Variants in PDS5B observed in about 807,000 individuals in gnomAD.
PDS5B encodes sister chromatid cohesion protein PDS5 homolog B.
PDS5B carries 51 observed loss-of-function variants against 184.1 expected under a neutral mutation model. The ratio of observed to expected loss-of-function variants is 0.28; its 90% CI spans 0.22 to 0.35. The LOEUF is 0.35. PDS5B is among the 10% of genes least tolerant of loss of function. The pLI is 1.00. For synonymous variants in PDS5B, 566 were observed against 569.2 expected (o/e 0.99, Z 0.08); for missense variants, 1,180 against 1,723.3 (o/e 0.68, Z 5.58).
chr13:32,622,393 C>T (rs1427332740), intron 1 of PDS5B, among the ~76,000 whole-genome samples: 1 of 151,738 alleles, frequency 6.6e-6, no homozygotes, highest in South Asian at 2.1e-4. Flanking sequence ...ACATTTTAGT[C>T]AGGAATATGT....
chr13:32,758,069 C>A lies in PDS5B; in HGVS notation c.3057-18C>A. ...TGATTTTCTTCTATATTTCTTTTTT[C>A]CTTTTTTTTTTTTTTAGATGTCTTT... On this transcript the variant is annotated intron_variant, in intron 26 of 34. Transcript: ENST00000315596. 9.9e-7 allele frequency: 1 copy of A among 1,010,624 alleles called. No homozygotes were observed. Among genetic ancestry groups the A allele is most frequent in the South Asian group, 2.4e-5 (1 of 41,392 alleles). The allele number at this position is 1,010,624 out of a possible 1,614,324, so 62.6% of individuals were successfully genotyped here.
intron 17 of PDS5B, among the ~76,000 whole-genome samples, chr13:32,702,339 A>G (rs952582664): frequency 6.6e-6 from 1 of 152,176 alleles, no homozygotes; most frequent in Non-Finnish European, 1.5e-5. Context: ...AGGTTTAAAA[A>G]GCAAGACAAG....
chr13:32,685,068 G>T (rs972232809), intron 11 of PDS5B, among the ~76,000 whole-genome samples: 29 of 152,318 alleles, frequency 1.9e-4, no homozygotes, highest in African/African-American at 7.0e-4. Context: ...AGCTGAGATT[G>T]TGCCACTGCA....
chr13:32,748,173 G>C (rs781128983), intron 24 of PDS5B, among the ~76,000 whole-genome samples: 1 of 152,162 alleles, frequency 6.6e-6, no homozygotes, highest in Non-Finnish European at 1.5e-5. Flanking sequence ...TCTGTAATCT[G>C]TTCTTCCTTT....
intron 1 of PDS5B, among the ~76,000 whole-genome samples, chr13:32,600,227 G>C (rs947569828): frequency 1.3e-5 from 2 of 151,480 alleles, no homozygotes; most frequent in Non-Finnish European, 2.9e-5. Flanking sequence ...TTATTCCTTT[G>C]TCTGTATTAA....
At chr13:32,671,180 A>G (rs1950926324) in intron 7 of PDS5B, among the ~76,000 whole-genome samples, 1 of 152,140 alleles carries the variant, frequency 6.6e-6, no homozygotes, top group Admixed American at 6.6e-5. Flanking sequence ...CCTCTGTGTC[A>G]GGCACTGTGC....
chr13:32,597,149 T>C (rs2057888694), intron 1 of PDS5B, among the ~76,000 whole-genome samples: 1 of 151,938 alleles, frequency 6.6e-6, no homozygotes, highest in South Asian at 2.1e-4. Context: ...CCCTCCTATC[T>C]CAGCCTCCTG....
chr13:32,700,013 G>A (rs1951822115), intron 16 of PDS5B, 144 bp downstream of exon 16: 2 of 708,936 alleles, frequency 2.8e-6, no homozygotes, highest in Non-Finnish European at 4.3e-6. Flanking sequence ...TTTCTCTATA[G>A]AGACAATTGT....
At chr13:32,632,410 TACTC>T (rs1429258003) in intron 1 of PDS5B, among the ~76,000 whole-genome samples, 4 of 152,168 alleles carry the variant, frequency 2.6e-5, no homozygotes, top group African/African-American at 9.7e-5. Context: ...GCACATAAGA[TACTC>T]AACACCATTA....
intron 20 of PDS5B, among the ~76,000 whole-genome samples, chr13:32,734,854 C>T (rs1953267224): frequency 6.6e-6 from 1 of 152,170 alleles, no homozygotes; most frequent in Non-Finnish European, 1.5e-5. Flanking sequence ...GTCTCTAACA[C>T]ATTCATGTAT....
intron 26 of PDS5B, 26 bp downstream of exon 26, chr13:32,755,982 A>T: frequency 8.9e-7 from 1 of 1,118,476 alleles, no homozygotes; most frequent in Non-Finnish European, 1.3e-6. Flanking sequence ...TCCCATTTTC[A>T]TATTTTCTGA....
At chr13:32,742,089 A>G (rs1439655013) in intron 22 of PDS5B, among the ~76,000 whole-genome samples, 3 of 152,212 alleles carry the variant, frequency 2.0e-5, no homozygotes, top group African/African-American at 7.2e-5. Flanking sequence ...AAGCTGAGCT[A>G]ATATGTGAAA....
At chr13:32,765,587 ATTATTCTTTTTTG>A (rs1954558069) in intron 31 of PDS5B, among the ~76,000 whole-genome samples, 1 of 152,126 alleles carries the variant, frequency 6.6e-6, no homozygotes, top group South Asian at 2.1e-4. Context: ...TTTAGAAAGA[ATTATTCTTTTTTG>A]TTTTGTTTTG....
At chr13:32,672,251 G>GT (rs1376731920) in intron 7 of PDS5B, among the ~76,000 whole-genome samples, 1 of 152,178 alleles carries the variant, frequency 6.6e-6, no homozygotes, top group Non-Finnish European at 1.5e-5. Context: ...TAAGAAGGCT[G>GT]TATCTATGGG....
At chr13:32,721,332 C>T (rs375233431) in intron 19 of PDS5B, among the ~76,000 whole-genome samples, 40 of 147,384 alleles carry the variant, frequency 2.7e-4, no homozygotes, top group East Asian at 1.6e-3. Context: ...CCAGACGGGG[C>T]GGCTGCCGGG....
intron 11 of PDS5B, among the ~76,000 whole-genome samples, chr13:32,684,518 A>G (rs1229408579): frequency 6.6e-6 from 1 of 152,202 alleles, no homozygotes; most frequent in Non-Finnish European, 1.5e-5. Context: ...TGTGTCCTCA[A>G]GCCAGCTTTT....
chr13:32,664,995 A>G (rs1012074945), intron 6 of PDS5B, among the ~76,000 whole-genome samples: 2 of 152,228 alleles, frequency 1.3e-5, no homozygotes, highest in Admixed American at 1.3e-4. Context: ...ACAGGGACCT[A>G]ATCTTGACAT....
Position 32,651,944 on chromosome 13 carries a change from C to T in PDS5B, c.249C>T (p.Cys83=), listed in dbSNP as rs1366834496. The change falls in exon 3 of 35, where the codon TGC becomes TGT. Residue 83 remains cysteine, a synonymous_variant. Coordinates refer to ENST00000315596, the MANE Select transcript of PDS5B (RefSeq NM_015032.4). ...DKDVRLLVAC[C]LADIFRIYAP... is the part of the protein sequence containing the mutation. The stretch of plus-strand genomic sequence containing the variant: ...ATGTTCGCTTACTGGTAGCCTGCTG[C>T]CTTGCTGATATTTTCAGGATTTATG... The T allele has an allele frequency of 1.2e-6, 2 of 1,613,656 alleles. No individual in the cohort carries two copies. The highest frequency in any genetic ancestry group is 1.7e-6 in the Non-Finnish European group (2 of 1,179,804).
intron 24 of PDS5B, among the ~76,000 whole-genome samples, chr13:32,748,324 T>C (rs1953836006): frequency 6.6e-6 from 1 of 152,228 alleles, no homozygotes; most frequent in South Asian, 2.1e-4. Flanking sequence ...AATGTCCTGT[T>C]GAAGTCCTCA....
Sources: allele counts gnomAD v4.1 joint callset (sites outside exome capture counted in the v4.1 genomes callset), GRCh38; gene constraint gnomAD v4.1.1; transcripts MANE v1.5; gene names NCBI Gene and HGNC (gene_info 2026-07-23, HGNC 2026-07-21).